DST: variants seen among roughly 807,000 people sequenced by gnomAD.
The protein encoded by DST is dystonin, also known as bullous pemphigoid antigen.
Under a neutral mutation model 875.2 loss-of-function variants are expected in DST, and 253 were observed. That is an observed-to-expected ratio of 0.29 (90% CI 0.26 to 0.32). The LOEUF is 0.32. DST is among the 10% of genes least tolerant of loss of function. The pLI, the probability that DST is intolerant of heterozygous loss-of-function variation, is 1.00. For synonymous variants in DST, 3,124 were observed against 3,197.1 expected (o/e 0.98, Z 0.77); for missense variants, 8,287 against 9,111.6 (o/e 0.91, Z 3.68).
At position 56,634,565 on chromosome 6, in the gene DST, C is replaced by T; in HGVS notation, c.3391G>A (p.Ala1131Thr). The change falls in exon 26 of 104, where the codon GCT becomes ACT. Residue 1131 changes from alanine (A) to threonine (T), a missense_variant. Around this residue, in one of 10 missense-constraint regions of DST, gnomAD observed 1,160 missense variants for 1,424.3 expected, o/e 0.81. Transcript: ENST00000680361. ...GTAGGACTAATGACCTTCCATTTAG[C>T]ACGATGAGAGTTATTCGCCAAAACA... ...ECVLANNSHR[A>T]KWKVISPTGN... The T allele has an allele frequency of 6.2e-7, 1 of 1,614,160 alleles. No individual in the cohort carries two copies. Among genetic ancestry groups the T allele is most frequent in the Non-Finnish European group, 8.5e-7 (1 of 1,180,018 alleles).
chr6:56,631,449 T>C (rs2098779211), intron 29 of DST, 60 bp from the exon 30 acceptor site: 2 of 1,386,840 alleles, frequency 1.4e-6, no homozygotes, highest in East Asian at 4.6e-5. Context: ...GTGTTTTTCT[T>C]AAACTAGTTG....
chr6:56,537,088 G>T, intron 61 of DST, 148 bp from the exon 62 acceptor site: 1 of 645,194 alleles, frequency 1.5e-6, no homozygotes. Context: ...ATAGGTCATA[G>T]CTACCTTCTG....
Position 56,487,228 on chromosome 6 carries a change from T to C in DST, c.20923A>G (p.Thr6975Ala), listed in dbSNP as rs2095598634. 6.2e-7 allele frequency: 1 copy of C among 1,612,386 alleles called. No individual in the cohort carries two copies. The highest frequency in any genetic ancestry group is 8.5e-7 in the Non-Finnish European group (1 of 1,179,102). Residue 6975 changes from threonine to alanine, a missense_variant, in exon 87 of 104, where the codon ACC (threonine) becomes GCC (alanine). Physicochemically the swap from Thr to Ala is moderately conservative, Grantham distance 58. This residue lies in a region of DST where 1,292 missense variants were observed against 1,552.7 expected (regional missense o/e 0.83). Coordinates refer to ENST00000680361, the MANE Select transcript of DST (RefSeq NM_001374736.1). ...TTCAGAGAACGTCCAGTCCTGTTGG[T>C]GGTGTCGTAGACAGAATGCTTGGCT... ...LGAKHSVYDT[T>A]NRTGRSLKEK...
At chr6:56,638,204 A>C (rs1211078458) in intron 22 of DST, among the ~76,000 whole-genome samples, 1 of 152,042 alleles carries the variant, frequency 6.6e-6, no homozygotes, top group Non-Finnish European at 1.5e-5. Flanking sequence ...ATTTCCTAAC[A>C]GTTTTCATCT....
chr6:56,716,031 G>C (rs567529323), intron 5 of DST, among the ~76,000 whole-genome samples: 25 of 152,264 alleles, frequency 1.6e-4, no homozygotes, highest in African/African-American at 6.0e-4. Context: ...GAATCTGTCT[G>C]TTGTCAGCAT....
intron 22 of DST, among the ~76,000 whole-genome samples, chr6:56,637,537 G>A (rs758493773): frequency 1.3e-5 from 2 of 152,118 alleles, no homozygotes; most frequent in Non-Finnish European, 2.9e-5. Context: ...GAGGTTTGGG[G>A]AGGGTGGAAA....
intron 4 of DST, among the ~76,000 whole-genome samples, chr6:56,791,352 T>C (rs925561082): frequency 3.9e-5 from 6 of 152,030 alleles, no homozygotes; most frequent in Non-Finnish European, 8.8e-5. Flanking sequence ...GTGAGAGCAA[T>C]TAGATAAATA....
intron 2 of DST, among the ~76,000 whole-genome samples, chr6:56,941,684 T>C (rs1287232516): frequency 6.6e-6 from 1 of 152,182 alleles, no homozygotes; most frequent in Non-Finnish European, 1.5e-5. Context: ...ATTTGTCATG[T>C]TGCCCAGGCT....
chr6:56,915,734 C>CAGTA (rs1392863077), intron 2 of DST, among the ~76,000 whole-genome samples: 15 of 152,122 alleles, frequency 9.9e-5, no homozygotes, highest in African/African-American at 3.1e-4. Flanking sequence ...ATGTATCAGG[C>CAGTA]AGTACATCAG....
chr6:56,800,085 G>A (rs1673234317), intron 4 of DST, among the ~76,000 whole-genome samples: 1 of 152,120 alleles, frequency 6.6e-6, no homozygotes, highest in African/African-American at 2.4e-5. Flanking sequence ...CTTTATCGTG[G>A]AGGTTTGGAA....
chr6:56,812,028 G>T (rs1288917419), intron 4 of DST, among the ~76,000 whole-genome samples: 1 of 149,612 alleles, frequency 6.7e-6, no homozygotes, highest in Non-Finnish European at 1.5e-5. Flanking sequence ...CTTGAACCCA[G>T]AAGGTGGAGA....
chr6:56,515,501 G>A lies in DST; in HGVS notation c.18525C>T (p.Pro6175=), dbSNP rs754728952. Residue 6175 remains proline, a synonymous_variant, in exon 72 of 104, where the codon CCC becomes CCT. Transcript: ENST00000680361. ...TETQSIISQL[P]APALEYETLR... is the part of the protein sequence containing the mutation. The stretch of plus-strand genomic sequence containing the variant: ...GAGTTTCATATTCAAGGGCTGGGGC[G>A]GGAAGCTGAGAGATGATTGATTGTG... 6.8e-6 allele frequency: 11 copies of A among 1,613,872 alleles called. No homozygotes were observed. In the Admixed American group the frequency reaches 1.0e-4, roughly 15 times the overall value.
In DST at chr6:56,527,561, C is replaced by T. The variant is rs1341890249; in HGVS notation, c.17854G>A (p.Glu5952Lys). Residue 5952 changes from glutamate to lysine, a missense_variant, in exon 68 of 104, where the codon GAA (glutamate) becomes AAA (lysine). Around this residue, in one of 10 missense-constraint regions of DST, gnomAD observed 777 missense variants for 764.8 expected, o/e 1.02. Coordinates refer to ENST00000680361, the MANE Select transcript of DST (RefSeq NM_001374736.1). ...LCTWLDKVEV[E>K]LLSYETQVLK... ...ACCTGAGTTTCATATGAAAGTAATT[C>T]CACCTCCACTTTGTCCAGCCAGGTA... 4 of 1,613,796 alleles carry T rather than the reference C, an allele frequency of 2.5e-6. No individual in the cohort carries two copies. The highest frequency in any genetic ancestry group is 2.2e-5 in the East Asian group (1 of 44,880).
chr6:56,552,698 G>A lies in DST; in HGVS notation c.16094C>T (p.Thr5365Ile), dbSNP rs758246752. 6.2e-7 allele frequency: 1 copy of A among 1,613,372 alleles called. No homozygotes were observed. Among genetic ancestry groups the A allele is most frequent in the Non-Finnish European group, 8.5e-7 (1 of 1,179,898 alleles). ...QVETIAQEHS[T>I]LSQQVDEKCS... ...CTTTTCATCAACCTGCTGACTTAGT[G>A]TACTATGCTCTTGAGCTATGGTTTC... The change falls in exon 61 of 104, where the codon ACA becomes ATA. Residue 5365 changes from threonine (T) to isoleucine (I), a missense_variant. Thr to Ile is a moderately conservative substitution (Grantham distance 89). Coordinates refer to ENST00000680361, the MANE Select transcript of DST (RefSeq NM_001374736.1).
At chr6:56,851,902 G>C in intron 3 of DST, 2 of 1,546,782 alleles carry the variant, frequency 1.3e-6, no homozygotes, top group Non-Finnish European at 1.7e-6. Context: ...GCTCACAAAT[G>C]ACTGGCCCAA....
At chr6:56,760,609 C>T (rs1288745649) in intron 4 of DST, among the ~76,000 whole-genome samples, 1 of 152,120 alleles carries the variant, frequency 6.6e-6, no homozygotes, top group African/African-American at 2.4e-5. Flanking sequence ...ATTATATTTG[C>T]CCCCAGCTCT....
At position 56,835,227 on chromosome 6, in the gene DST, G is replaced by A. The variant is rs2099792187; in HGVS notation, c.625+16170C>T. On this transcript the variant is annotated intron_variant, in intron 4 of 103. Coordinates refer to ENST00000680361, the MANE Select transcript of DST (RefSeq NM_001374736.1). ...AATAGGTCAAACACAGAGGATTTGG[G>A]AGCAGTGAAACTCTTCTGTATGATA... 2.0e-5 allele frequency among the ~76,000 whole-genome samples: 3 copies of A among 152,134 alleles called. 1 individual carries two copies. The highest frequency in any genetic ancestry group is 4.1e-4 in the South Asian group (2 of 4,834).
chr6:56,628,190 G>A (rs1243231290), intron 32 of DST, 29 bp from the exon 33 acceptor site: 4 of 1,601,148 alleles, frequency 2.5e-6, no homozygotes, highest in Non-Finnish European at 3.4e-6. Context: ...AATAGTCACG[G>A]TGTCCAGCGA....
At chr6:56,701,391 A>C (rs953571527) in intron 8 of DST, among the ~76,000 whole-genome samples, 5 of 152,066 alleles carry the variant, frequency 3.3e-5, no homozygotes, top group African/African-American at 1.2e-4. Context: ...TTTACTCATA[A>C]ATTTTCCAAT....
Sources: gnomAD v4.1 joint callset for allele counts (sites outside exome capture counted in the v4.1 genomes callset) on GRCh38, gnomAD v4.1.1 for gene constraint, gnomAD v4.1.1 regional missense constraint, MANE v1.5 for transcripts, NCBI Gene and HGNC (gene_info 2026-07-23, HGNC 2026-07-21) for gene names.